Variants in DOCK3 observed in about 807,000 individuals in gnomAD.
The protein encoded by DOCK3 is dedicator of cytokinesis 3, also known as dedicator of cytokinesis protein 3.
Under a neutral mutation model 265.6 loss-of-function variants are expected in DOCK3, and 60 were observed. The ratio of observed to expected loss-of-function variants is 0.23; its 90% CI spans 0.18 to 0.28. The LOEUF (loss-of-function observed/expected upper bound fraction) is 0.28, where lower values mean the gene tolerates loss of function less well. Among genes scored for constraint, DOCK3 ranks in the 10% least tolerant of loss-of-function variants. DOCK3 has a pLI of 1.00. For missense variants in DOCK3, 1,981 were observed against 2,594.3 expected (o/e 0.76, Z 5.14); for synonymous variants, 881 against 938.0 (o/e 0.94, Z 1.11).
intron 1 of DOCK3, among the ~76,000 whole-genome samples, chr3:50,680,512 CT>C (rs3066820): frequency 0.14 from 9,929 of 72,700 alleles, 554 homozygotes; most frequent in African/African-American, 0.2. Flanking sequence ...CCGTGCCCTG[CT>C]TTTTTTTTTT....
At chr3:51,005,989 C>T (rs1447017820) in intron 5 of DOCK3, among the ~76,000 whole-genome samples, 3 of 152,158 alleles carry the variant, frequency 2.0e-5, no homozygotes, top group Non-Finnish European at 4.4e-5. Context: ...TTCCTGCTTT[C>T]TCTTCTGCCC....
intron 1 of DOCK3, among the ~76,000 whole-genome samples, chr3:50,757,266 G>A (rs1299249824): frequency 1.3e-5 from 2 of 151,084 alleles, no homozygotes; most frequent in African/African-American, 4.9e-5. Context: ...CGCCTCCTGG[G>A]TTCAAGCGAT....
chr3:51,066,225 C>G (rs1413360386), intron 6 of DOCK3, among the ~76,000 whole-genome samples: 1 of 151,964 alleles, frequency 6.6e-6, no homozygotes, highest in African/African-American at 2.4e-5. Context: ...GGGGGAAATT[C>G]TGAAGGAATA....
At chr3:51,098,257 A>G (rs140354230) in intron 9 of DOCK3, among the ~76,000 whole-genome samples, 2,616 of 152,214 alleles carry the variant, frequency 0.017, 50 homozygotes, top group Non-Finnish European at 0.022. Context: ...GGGTTTCACC[A>G]TGTTTGCCAG....
chr3:51,017,786 G>GAGAAAAA (rs1249300148), intron 5 of DOCK3, among the ~76,000 whole-genome samples: 1 of 151,776 alleles, frequency 6.6e-6, no homozygotes, highest in Non-Finnish European at 1.5e-5. Context: ...GATCATGGCT[G>GAGAAAAA]AGAAAAAAAT....
intron 27 of DOCK3, among the ~76,000 whole-genome samples, chr3:51,296,188 A>T (rs2082069655): frequency 6.6e-6 from 1 of 152,232 alleles, no homozygotes; most frequent in African/African-American, 2.4e-5. Flanking sequence ...GCAATAAATG[A>T]TTCAAAAACT....
chr3:51,214,371 C>T, intron 14 of DOCK3, 124 bp downstream of exon 14: 4 of 1,359,380 alleles, frequency 2.9e-6, no homozygotes, highest in Non-Finnish European at 3.9e-6. Flanking sequence ...CTCCCACATC[C>T]CAAGTCAGGC....
At chr3:50,711,984 C>G (rs150551186) in intron 1 of DOCK3, among the ~76,000 whole-genome samples, 101 of 152,148 alleles carry the variant, frequency 6.6e-4, no homozygotes, top group African/African-American at 2.4e-3. Flanking sequence ...CTTTTATAAT[C>G]ATTTCTTACT....
At chr3:51,352,568 G>T (rs1311087651) in intron 40 of DOCK3, among the ~76,000 whole-genome samples, 10 of 152,204 alleles carry the variant, frequency 6.6e-5, no homozygotes, top group African/African-American at 2.4e-4. Context: ...ATAACAAGAG[G>T]TGTTAGGAAA....
At chr3:51,162,123 A>G (rs2086171913) in intron 12 of DOCK3, among the ~76,000 whole-genome samples, 1 of 152,368 alleles carries the variant, frequency 6.6e-6, no homozygotes, top group Non-Finnish European at 1.5e-5. Flanking sequence ...TTAAAAACTC[A>G]TCTTTCAGTT....
chr3:51,361,776 A>G lies in DOCK3; in HGVS notation c.5007-83A>G. 6.6e-7 allele frequency: 1 copy of G among 1,513,144 alleles called. No homozygotes were observed. The highest frequency in any genetic ancestry group is 1.4e-5 in the African/African-American group (1 of 72,680). The allele number at this position is 1,513,144 out of a possible 1,614,324, so 93.7% of individuals were successfully genotyped here. A position where few individuals can be genotyped will look rare whatever the true frequency, so the allele number is the denominator to read the frequency against. On this transcript the variant is annotated intron_variant, in intron 47 of 52. Coordinates refer to ENST00000266037, the MANE Select transcript of DOCK3 (RefSeq NM_004947.5). This position sits in a 1 kb window ranked among gnomAD's most constrained non-coding sequence, Gnocchi z 4.2. ...CCGGTGGTAGCTGAAACCAGGGATG[A>G]CTATTCCACACATTCCGCTCTACTG...
intron 12 of DOCK3, among the ~76,000 whole-genome samples, chr3:51,174,821 T>C (rs1472459820): frequency 2.0e-5 from 3 of 152,188 alleles, no homozygotes; most frequent in Admixed American, 6.5e-5. Context: ...TTGGGCAAGG[T>C]TGAAATCAGG....
At chr3:50,756,214 T>C (rs980953988) in intron 1 of DOCK3, among the ~76,000 whole-genome samples, 1 of 152,172 alleles carries the variant, frequency 6.6e-6, no homozygotes, top group African/African-American at 2.4e-5. Context: ...TTTGGGGACG[T>C]TTTTCCCTTA....
intron 27 of DOCK3, among the ~76,000 whole-genome samples, chr3:51,281,274 A>AATATAAATATATAT (rs1312141308): frequency 1.6e-5 from 2 of 125,694 alleles, no homozygotes; most frequent in African/African-American, 6.1e-5. Context: ...GATGAGCTAA[A>AATATAAATATATAT]ATATATATAT....
intron 27 of DOCK3, among the ~76,000 whole-genome samples, chr3:51,306,115 C>T (rs1258004039): frequency 6.6e-6 from 1 of 151,538 alleles, no homozygotes; most frequent in Non-Finnish European, 1.5e-5. Flanking sequence ...ATCCTCCCAT[C>T]TCAGCCTCTC....
chr3:50,727,580 C>A (rs778442137), intron 1 of DOCK3, among the ~76,000 whole-genome samples: 1 of 152,132 alleles, frequency 6.6e-6, no homozygotes. Flanking sequence ...TGCCTATAAT[C>A]CCAGATACTC....
At chr3:51,194,887 C>T (rs1051480811) in intron 12 of DOCK3, among the ~76,000 whole-genome samples, 2 of 139,526 alleles carry the variant, frequency 1.4e-5, no homozygotes, top group Non-Finnish European at 3.0e-5. Flanking sequence ...TGCAGTGATG[C>T]GATATCGGTT....
intron 5 of DOCK3, among the ~76,000 whole-genome samples, chr3:50,999,320 G>A (rs552620171): frequency 6.6e-6 from 1 of 152,344 alleles, no homozygotes; most frequent in South Asian, 2.1e-4. Context: ...AACTATGGCA[G>A]AGCCATTGCA....
chr3:50,911,528 T>G (rs1369173443), intron 4 of DOCK3, among the ~76,000 whole-genome samples: 1 of 152,164 alleles, frequency 6.6e-6, no homozygotes, highest in Non-Finnish European at 1.5e-5. Flanking sequence ...CTGTTTTTGA[T>G]GCCAGTACCA....
Sources: allele counts gnomAD v4.1 joint callset (sites outside exome capture counted in the v4.1 genomes callset), GRCh38; gene constraint gnomAD v4.1.1; non-coding constraint Gnocchi (gnomAD v3.1); transcripts MANE v1.5; gene names NCBI Gene and HGNC (gene_info 2026-07-23, HGNC 2026-07-21).